The following SLC38A9 variants were observed in gnomAD, a reference collection of about 807,000 sequenced individuals.
SLC38A9 encodes the protein neutral amino acid transporter 9.
In SLC38A9, 48 loss-of-function variants were observed where a neutral mutation model predicts 62.3. That is an observed-to-expected ratio of 0.77 (90% confidence interval 0.61 to 0.98). The LOEUF (loss-of-function observed/expected upper bound fraction) is 0.98. SLC38A9 is among the 50% of genes least tolerant of loss of function. The pLI is 0.00. For synonymous variants in SLC38A9, 204 were observed against 227.7 expected, an observed-to-expected ratio of 0.90 and a Z score of 0.94; for missense variants, 541 against 679.8, an observed-to-expected ratio of 0.80 and a Z score of 2.27.
intron 3 of SLC38A9, among the ~76,000 whole-genome samples, chr5:55,694,702 TTCCCCTCCCC>T (rs370187087): frequency 1.4e-5 from 2 of 145,684 alleles, no homozygotes; most frequent in African/African-American, 5.0e-5. Flanking sequence ...TTCCCTTCCC[TTCCCCTCCCC>T]TCCCCTCCCC....
At chr5:55,708,564 T>C (rs569284369) in intron 2 of SLC38A9, among the ~76,000 whole-genome samples, 4 of 152,342 alleles carry the variant, frequency 2.6e-5, no homozygotes, top group Non-Finnish European at 4.4e-5. Context: ...CAATCTGCAA[T>C]AGAATACACT....
chr5:55,635,306 A>G (rs773203441), intron 13 of SLC38A9: 14 of 544,376 alleles, frequency 2.6e-5, no homozygotes, highest in Non-Finnish European at 4.6e-5. Context: ...GTAGTACATT[A>G]TCTCAGAGTC....
In SLC38A9 at chr5:55,626,604, A is replaced by C. The variant is rs764552052; in HGVS notation, c.1576T>G (p.Tyr526Asp). 5.6e-6 allele frequency: 9 copies of C among 1,613,810 alleles called. No individual in the cohort carries two copies. Among genetic ancestry groups the C allele is most frequent in the Non-Finnish European group, 6.8e-6 (8 of 1,179,896 alleles). Residue 526 changes from tyrosine (Y) to aspartate (D), a missense_variant, in exon 16 of 16, where the codon TAT becomes GAT. By Grantham distance (160) the Tyr-to-Asp change is radical. Transcript: ENST00000396865. ...AFVFIYPSLI[Y>D]IISLHQEERL... is the part of the protein sequence containing the mutation. ...TCTTCTTGGTGGAGGGAAATTATAT[A>C]GATGAGAGATGGGTATATGAATACA...
At chr5:55,659,945 T>A (rs946534332) in intron 8 of SLC38A9, among the ~76,000 whole-genome samples, 3 of 150,488 alleles carry the variant, frequency 2.0e-5, no homozygotes, top group African/African-American at 7.3e-5. Context: ...TTTGTGTACT[T>A]TTAGTAGAGA....
intron 12 of SLC38A9, among the ~76,000 whole-genome samples, chr5:55,644,212 C>T (rs538439258): frequency 6.6e-6 from 1 of 152,292 alleles, no homozygotes; most frequent in African/African-American, 2.4e-5. Context: ...CCACCTGCCT[C>T]AGCCTCTCAA....
chr5:55,681,319 T>C (rs1335125101), intron 3 of SLC38A9, among the ~76,000 whole-genome samples: 1 of 152,244 alleles, frequency 6.6e-6, no homozygotes, highest in Admixed American at 6.5e-5. Context: ...TATTTAAATT[T>C]AAGATGATAT....
intron 13 of SLC38A9, chr5:55,635,050 T>A (rs1744117923): frequency 6.5e-6 from 1 of 152,970 alleles, no homozygotes; most frequent in African/African-American, 2.4e-5. Flanking sequence ...ATACTCTTTT[T>A]TTGTTTTGCT....
At chr5:55,662,676 CA>C (rs200497047) in intron 8 of SLC38A9, among the ~76,000 whole-genome samples, 1 of 45,922 alleles carries the variant, frequency 2.2e-5, no homozygotes, top group African/African-American at 6.2e-5. Flanking sequence ...CTCAAAAAAA[CA>C]AAAAAAAACC....
At chr5:55,670,522 A>AT (rs1751134619) in intron 4 of SLC38A9, among the ~76,000 whole-genome samples, 1 of 152,174 alleles carries the variant, frequency 6.6e-6, no homozygotes, top group Admixed American at 6.5e-5. Context: ...TAGTTTTGGG[A>AT]TTTTCAGAAA....
At chr5:55,645,397 T>C (rs1486846581) in intron 12 of SLC38A9, among the ~76,000 whole-genome samples, 1 of 152,242 alleles carries the variant, frequency 6.6e-6, no homozygotes, top group African/African-American at 2.4e-5. Context: ...TTATTAGCCA[T>C]ACCTCTATTT....
In SLC38A9 at chr5:55,680,224, T is replaced by TAGAGAGAG. The variant is rs201256489; in HGVS notation, c.114-7530_114-7529insCTCTCTCT. On this transcript the variant is annotated intron_variant, in intron 3 of 15. Coordinates refer to ENST00000396865, the MANE Select transcript of SLC38A9 (RefSeq NM_173514.4). Reference sequence around the variant, plus strand: ...GTTTCAGTGTATATATCTATATATATATAGAGAGAGAGAGATACATTTTAT... The same window carrying TAGAGAGAG: ...GTTTCAGTGTATATATCTATATATATAGAGAGAGATAGAGAGAGAGAGATACATTTTAT... Among the ~76,000 whole-genome samples, 404 of 143,476 alleles carry TAGAGAGAG rather than the reference T, an allele frequency of 2.8e-3. 1 individual carries two copies. Among genetic ancestry groups the TAGAGAGAG allele is most frequent in the African/African-American group, 1.0e-2 (384 of 38,516 alleles). 94.1% of individuals were successfully genotyped at this position (143,476 alleles called of 152,430 possible).
chr5:55,655,008 A>C (rs1428475423), intron 9 of SLC38A9, among the ~76,000 whole-genome samples: 1 of 151,922 alleles, frequency 6.6e-6, no homozygotes, highest in Non-Finnish European at 1.5e-5. Context: ...CAGCTAATTA[A>C]AAATTTTTTT....
intron 2 of SLC38A9, among the ~76,000 whole-genome samples, chr5:55,703,118 T>C (rs1336888769): frequency 1.3e-5 from 2 of 152,134 alleles, no homozygotes; most frequent in Non-Finnish European, 2.9e-5. Context: ...ATTCAACAAG[T>C]TCTCAACAAG....
chr5:55,692,770 G>C, intron 3 of SLC38A9: 1 of 985,228 alleles, frequency 1.0e-6, no homozygotes, highest in Non-Finnish European at 1.2e-6. Context: ...TTGTCACAGT[G>C]GTCAATTATT....
chr5:55,709,560 T>C (rs1377856074), intron 2 of SLC38A9, among the ~76,000 whole-genome samples: 5 of 150,926 alleles, frequency 3.3e-5, no homozygotes, highest in Non-Finnish European at 7.4e-5. Context: ...AAAGCTTGAG[T>C]ATCAGAGCAA....
Position 55,697,944 on chromosome 5 carries a change from A to G in SLC38A9, c.15T>C (p.Asn5=), listed in dbSNP as rs763664394. 1 of 1,592,464 alleles carries G rather than the reference A, an allele frequency of 6.3e-7. No individual in the cohort carries two copies. The highest frequency in any genetic ancestry group is 1.2e-5 in the South Asian group (1 of 86,314). Residue 5 remains asparagine (N), a synonymous_variant, in exon 3 of 16, where the codon AAT becomes AAC. Coordinates refer to ENST00000396865, the MANE Select transcript of SLC38A9 (RefSeq NM_173514.4). Reference sequence around the variant, plus strand: ...AGGTGCCAAGATGCCTAGAATCACTATTCATATTTGCCATTTTTCTCACAC... The same window carrying G: ...AGGTGCCAAGATGCCTAGAATCACTGTTCATATTTGCCATTTTTCTCACAC... The part of the protein sequence containing the change: MANM[N]SDSRHLGTSE...
chr5:55,660,069 A>G (rs111689798), intron 8 of SLC38A9, among the ~76,000 whole-genome samples: 4,697 of 150,950 alleles, frequency 0.031, 86 homozygotes, highest in African/African-American at 0.053. Context: ...CCCGGCTACA[A>G]AATTTTTAGA....
chr5:55,664,000 G>A (rs1002921438), intron 8 of SLC38A9, among the ~76,000 whole-genome samples: 13 of 151,988 alleles, frequency 8.6e-5, no homozygotes, highest in Admixed American at 6.6e-5. Flanking sequence ...ACAGAAAAAG[G>A]TTTGGTATCT....
At chr5:55,626,759 C>A in intron 15 of SLC38A9, 100 bp from the exon 16 acceptor site, 2 of 1,050,218 alleles carry the variant, frequency 1.9e-6, no homozygotes, top group African/African-American at 1.6e-5. Context: ...AGTCTGATAG[C>A]TCAACAAAAA....
Sources: allele counts gnomAD v4.1 joint callset (sites outside exome capture counted in the v4.1 genomes callset), GRCh38; gene constraint gnomAD v4.1.1; transcripts MANE v1.5; gene names NCBI Gene and HGNC (gene_info 2026-07-23, HGNC 2026-07-21).